The following SLIT3 variants were observed in gnomAD, a reference collection of about 807,000 sequenced individuals.
SLIT3 encodes the protein slit guidance ligand 3, also known as slit homolog 3 protein.
A neutral mutation model predicts 184.0 loss-of-function variants in SLIT3; 68 were observed. That is an observed-to-expected ratio of 0.37 (90% CI 0.30 to 0.45). The LOEUF is 0.45. Among genes scored for constraint, SLIT3 ranks in the 20% least tolerant of loss-of-function variants. The pLI is 1.00. For synonymous variants in SLIT3, 831 were observed against 828.6 expected, an observed-to-expected ratio of 1.00 and a Z score of -0.05; for missense variants, 1,707 against 2,026.0, an observed-to-expected ratio of 0.84 and a Z score of 3.02.
At chr5:169,058,365 G>A (rs1422780175) in intron 4 of SLIT3, among the ~76,000 whole-genome samples, 1 of 152,220 alleles carries the variant, frequency 6.6e-6, no homozygotes, top group Non-Finnish European at 1.5e-5. Flanking sequence ...AAGCCAGGAA[G>A]GTGAGTATGG....
intron 12 of SLIT3, among the ~76,000 whole-genome samples, chr5:168,778,513 GA>G (rs556420927): frequency 3.3e-5 from 5 of 152,330 alleles, no homozygotes; most frequent in African/African-American, 4.8e-5. Flanking sequence ...AGAGGCATCA[GA>G]AGTCCTCCTG....
chr5:168,839,036 C>G (rs1446815375), intron 6 of SLIT3, among the ~76,000 whole-genome samples: 2 of 152,112 alleles, frequency 1.3e-5, no homozygotes, highest in South Asian at 2.1e-4. Flanking sequence ...AGGCATAAAA[C>G]CAATTACAAC....
chr5:168,731,335 A>G (rs1478209495), intron 20 of SLIT3, among the ~76,000 whole-genome samples: 1 of 151,966 alleles, frequency 6.6e-6, no homozygotes, highest in Admixed American at 6.6e-5. Flanking sequence ...GCCCAGGACC[A>G]TAAATCCAAA....
At chr5:168,826,655 A>G (rs1232946833) in intron 6 of SLIT3, among the ~76,000 whole-genome samples, 3 of 152,228 alleles carry the variant, frequency 2.0e-5, no homozygotes, top group Non-Finnish European at 4.4e-5. Context: ...CACTGGGCTC[A>G]TAGAGCTTTA....
In SLIT3 at chr5:168,747,382, C is replaced by A. The variant is rs540850310; in HGVS notation, c.2270+920G>T. ...GCCCCGTGAGTGTAGGGGTCACACC[C>A]ATTTTGCTCGCCATTGTCTCTCCAA... On this transcript the variant is annotated intron_variant, in intron 20 of 35. Coordinates refer to ENST00000519560, the MANE Select transcript of SLIT3 (RefSeq NM_003062.4). 2.6e-5 allele frequency among the ~76,000 whole-genome samples: 4 copies of A among 152,338 alleles called. No homozygotes were observed. The South Asian group carries it at 6.2e-4, about 24-fold the overall frequency.
intron 4 of SLIT3, among the ~76,000 whole-genome samples, chr5:168,964,472 G>A (rs1323127187): frequency 6.6e-6 from 1 of 152,188 alleles, no homozygotes; most frequent in Non-Finnish European, 1.5e-5. Context: ...AACATACAAA[G>A]AGAGATTAGG....
At chr5:169,003,298 T>G (rs1755784196) in intron 4 of SLIT3, among the ~76,000 whole-genome samples, 1 of 152,226 alleles carries the variant, frequency 6.6e-6, no homozygotes, top group Non-Finnish European at 1.5e-5. Context: ...GGGCCCTAGC[T>G]TCTGGGCAGA....
intron 4 of SLIT3, among the ~76,000 whole-genome samples, chr5:168,914,948 G>A (rs1338603468): frequency 6.6e-6 from 1 of 152,026 alleles, no homozygotes; most frequent in African/African-American, 2.4e-5. Flanking sequence ...TTAAATGCTA[G>A]AAACTAATTC....
intron 10 of SLIT3, 146 bp from the exon 11 acceptor site, chr5:168,789,777 A>C: frequency 1.6e-6 from 1 of 629,454 alleles, no homozygotes; most frequent in Non-Finnish European, 2.9e-6. Flanking sequence ...AGTGCAAGAG[A>C]AGGAGCTTAA....
At chr5:168,902,319 G>T (rs1760898062) in intron 4 of SLIT3, among the ~76,000 whole-genome samples, 1 of 152,188 alleles carries the variant, frequency 6.6e-6, no homozygotes, top group Admixed American at 6.5e-5. Context: ...ATAGATCTTT[G>T]TTTATAAAGC....
intron 3 of SLIT3, among the ~76,000 whole-genome samples, chr5:169,208,196 T>G (rs564948675): frequency 9.2e-5 from 14 of 152,324 alleles, no homozygotes; most frequent in African/African-American, 3.1e-4. Context: ...AGAAAGTCAT[T>G]GGGTAGCTTG....
At chr5:169,119,328 T>C (rs1241449197) in intron 4 of SLIT3, among the ~76,000 whole-genome samples, 2 of 152,118 alleles carry the variant, frequency 1.3e-5, no homozygotes, top group Non-Finnish European at 2.9e-5. Flanking sequence ...CTAGAATGAG[T>C]TTCTGATCTT....
chr5:169,202,607 G>T (rs1239573972), intron 3 of SLIT3, among the ~76,000 whole-genome samples: 1 of 152,152 alleles, frequency 6.6e-6, no homozygotes, highest in Admixed American at 6.5e-5. Context: ...CAGCAGGGAG[G>T]ATAGAAACAA....
intron 20 of SLIT3, among the ~76,000 whole-genome samples, chr5:168,747,351 C>T (rs1754513352): frequency 6.6e-6 from 1 of 152,224 alleles, no homozygotes; most frequent in Non-Finnish European, 1.5e-5. Flanking sequence ...CCTTAATAAA[C>T]CACGAGCCCC....
At chr5:168,675,559 T>G (rs1452655093) in intron 32 of SLIT3, among the ~76,000 whole-genome samples, 3 of 152,054 alleles carry the variant, frequency 2.0e-5, no homozygotes, top group African/African-American at 7.2e-5. Flanking sequence ...TAAGAGAGGG[T>G]ACGTGAAAGT....
chr5:168,751,983 C>T (rs1010645517), intron 18 of SLIT3, among the ~76,000 whole-genome samples: 2 of 152,214 alleles, frequency 1.3e-5, no homozygotes, highest in Admixed American at 6.5e-5. Context: ...TTGTGATCCA[C>T]CTGCCTCGGC....
chr5:168,859,810 G>A (rs1454497199), intron 5 of SLIT3, among the ~76,000 whole-genome samples: 3 of 152,142 alleles, frequency 2.0e-5, no homozygotes, highest in African/African-American at 7.2e-5. Context: ...ATTTGGGAGT[G>A]GGAGTAGGAT....
intron 12 of SLIT3, among the ~76,000 whole-genome samples, chr5:168,780,929 C>T (rs540847076): frequency 2.6e-5 from 4 of 152,326 alleles, no homozygotes; most frequent in Non-Finnish European, 5.9e-5. Flanking sequence ...AGAATCTTCT[C>T]TGTGCTTGAA....
chr5:168,768,087 C>T (rs370665166), intron 14 of SLIT3: 30 of 412,514 alleles, frequency 7.3e-5, no homozygotes, highest in Middle Eastern at 7.8e-4. Context: ...TGGTGGGCTG[C>T]GGTGCTCCAG....
Sources: gnomAD v4.1 joint callset for allele counts (sites outside exome capture counted in the v4.1 genomes callset) on GRCh38, gnomAD v4.1.1 for gene constraint, MANE v1.5 for transcripts, NCBI Gene and HGNC (gene_info 2026-07-23, HGNC 2026-07-21) for gene names.